CCSER1: variants seen among roughly 807,000 people sequenced by gnomAD.
CCSER1 encodes serine-rich coiled-coil domain-containing protein 1.
CCSER1 carries 41 observed loss-of-function variants against 82.0 expected under a neutral mutation model. The ratio of observed to expected loss-of-function variants is 0.50; its 90% confidence interval spans 0.39 to 0.65. The LOEUF (loss-of-function observed/expected upper bound fraction) is 0.65, where lower values mean the gene tolerates loss of function less well. Among genes scored for constraint, CCSER1 ranks in the 30% least tolerant of loss-of-function variants. The pLI is 0.00. For synonymous variants in CCSER1, 414 were observed against 383.9 expected (o/e 1.08, Z -0.92); for missense variants, 1,119 against 1,064.2 (o/e 1.05, Z -0.72).
chr4:90,129,617 A>G (rs1722467384), intron 1 of CCSER1, among the ~76,000 whole-genome samples: 1 of 152,246 alleles, frequency 6.6e-6, no homozygotes, highest in Non-Finnish European at 1.5e-5. Context: ...GAGAAAAAAG[A>G]GAAGTTGGTC....
At chr4:90,935,368 G>T (rs367943614) in intron 9 of CCSER1, among the ~76,000 whole-genome samples, 33 of 152,080 alleles carry the variant, frequency 2.2e-4, no homozygotes, top group Admixed American at 3.3e-4. Flanking sequence ...TGTCCTGTCT[G>T]CACGTACCGG....
chr4:91,006,189 T>C (rs530075339), intron 9 of CCSER1, among the ~76,000 whole-genome samples: 7 of 152,272 alleles, frequency 4.6e-5, no homozygotes, highest in African/African-American at 1.7e-4. Context: ...CCATTTTTTT[T>C]CACCAATGTT....
At chr4:90,522,750 A>G (rs1347513251) in intron 5 of CCSER1, among the ~76,000 whole-genome samples, 4 of 152,130 alleles carry the variant, frequency 2.6e-5, no homozygotes, top group African/African-American at 7.2e-5. Flanking sequence ...ACAGAACTTA[A>G]CAGGCATATT....
chr4:91,485,189 C>G (rs1198314218), intron 10 of CCSER1, among the ~76,000 whole-genome samples: 1 of 151,982 alleles, frequency 6.6e-6, no homozygotes, highest in Non-Finnish European at 1.5e-5. Flanking sequence ...ATGACAATAA[C>G]CCAGCACCAA....
intron 10 of CCSER1, among the ~76,000 whole-genome samples, chr4:91,232,028 C>CA (rs1484349253): frequency 2.0e-5 from 3 of 151,638 alleles, no homozygotes; most frequent in African/African-American, 7.3e-5. Flanking sequence ...AAACAAATGA[C>CA]AAAAATATGG....
In CCSER1 at chr4:90,701,662, G is replaced by A. The variant is rs931597732; in HGVS notation, c.1933-22252G>A. ...TGTTTATGTCCTCTTTTACTTCATT[G>A]AGAAGTGGTTTGTAGTTTTCCTTCA... On this transcript the variant is annotated intron_variant, in intron 6 of 10. Coordinates refer to ENST00000509176, the MANE Select transcript of CCSER1 (RefSeq NM_001145065.2). 2.0e-5 allele frequency among the ~76,000 whole-genome samples: 3 copies of A among 152,254 alleles called. No homozygotes were observed. In the South Asian group the frequency reaches 6.2e-4, roughly 32 times the overall value.
intron 10 of CCSER1, among the ~76,000 whole-genome samples, chr4:91,182,409 G>A (rs1039119979): frequency 2.0e-5 from 3 of 152,182 alleles, no homozygotes; most frequent in African/African-American, 2.4e-5. Flanking sequence ...GTGCTGTACA[G>A]CTGCTGATAA....
At chr4:90,749,666 C>G (rs998419541) in intron 7 of CCSER1, among the ~76,000 whole-genome samples, 3 of 151,994 alleles carry the variant, frequency 2.0e-5, no homozygotes, top group African/African-American at 7.2e-5. Flanking sequence ...CTTCCTACCC[C>G]ACATTTTGTT....
intron 10 of CCSER1, among the ~76,000 whole-genome samples, chr4:91,400,520 A>C (rs531356125): frequency 2.0e-5 from 3 of 149,094 alleles, no homozygotes; most frequent in African/African-American, 7.4e-5. Context: ...ATTATTGATC[A>C]TTTATTATCT....
intron 9 of CCSER1, among the ~76,000 whole-genome samples, chr4:90,969,068 A>G (rs1022969190): frequency 6.6e-6 from 1 of 151,906 alleles, no homozygotes; most frequent in African/African-American, 2.4e-5. Flanking sequence ...AGAAGAAAGC[A>G]TCTGTGAATG....
chr4:91,196,580 A>G (rs1735454550), intron 10 of CCSER1, among the ~76,000 whole-genome samples: 1 of 152,222 alleles, frequency 6.6e-6, no homozygotes, highest in Non-Finnish European at 1.5e-5. Context: ...TAATCCATGT[A>G]TTAGGCATTA....
At chr4:91,063,146 G>A (rs370812631) in intron 9 of CCSER1, among the ~76,000 whole-genome samples, 3 of 152,058 alleles carry the variant, frequency 2.0e-5, no homozygotes, top group Admixed American at 6.6e-5. Flanking sequence ...AACCAAAGAC[G>A]AGAAGAAGAA....
rs755793909 is a variant in CCSER1, at chr4:90,400,061, G to T, written c.1535G>T (p.Cys512Phe). Residue 512 changes from cysteine (C) to phenylalanine (F), a missense_variant, in exon 4 of 11, where the codon TGT (cysteine) becomes TTT (phenylalanine). Physicochemically the swap from Cys to Phe is radical, Grantham distance 205. Transcript: ENST00000509176. ...SLDVLNNLGS[C>F]ELDEDDLMLD... is the part of the protein sequence containing the mutation. ...GATGTTTTGAATAATTTGGGATCTTGTGAACTGGATGAAGATGATCTAATG... is the reference window on the plus strand; with the variant it reads ...GATGTTTTGAATAATTTGGGATCTTTTGAACTGGATGAAGATGATCTAATG... 2.5e-6 allele frequency: 4 copies of T among 1,606,396 alleles called. No individual in the cohort carries two copies. Among genetic ancestry groups the T allele is most frequent in the African/African-American group, 2.7e-5 (2 of 74,786 alleles).
intron 9 of CCSER1, among the ~76,000 whole-genome samples, chr4:90,959,374 T>C (rs1370810015): frequency 6.6e-6 from 1 of 152,192 alleles, no homozygotes; most frequent in Non-Finnish European, 1.5e-5. Context: ...TGGTCAGATG[T>C]TGGAATCCAT....
At chr4:91,219,308 C>CTTTTTT (rs59884169) in intron 10 of CCSER1, among the ~76,000 whole-genome samples, 4 of 99,900 alleles carry the variant, frequency 4.0e-5, no homozygotes, top group Non-Finnish European at 5.7e-5. Context: ...TACAGTTTGG[C>CTTTTTT]TTTTTTTTTT....
chr4:91,258,445 C>G (rs963386567), intron 10 of CCSER1, among the ~76,000 whole-genome samples: 1 of 152,008 alleles, frequency 6.6e-6, no homozygotes, highest in African/African-American at 2.4e-5. Flanking sequence ...TAAGCAAACT[C>G]TTTTCTGCTT....
intron 10 of CCSER1, among the ~76,000 whole-genome samples, chr4:91,539,096 G>T (rs1761454865): frequency 6.6e-6 from 1 of 151,892 alleles, no homozygotes; most frequent in South Asian, 2.1e-4. Flanking sequence ...TCATCCAATT[G>T]TTTTAGTTAA....
At chr4:91,153,519 G>A (rs936490550) in intron 10 of CCSER1, among the ~76,000 whole-genome samples, 1 of 151,926 alleles carries the variant, frequency 6.6e-6, no homozygotes, top group Non-Finnish European at 1.5e-5. Context: ...CTCTCAACTT[G>A]TCAAAGTCAT....
At chr4:90,982,651 A>C (rs1736224068) in intron 9 of CCSER1, among the ~76,000 whole-genome samples, 1 of 151,802 alleles carries the variant, frequency 6.6e-6, no homozygotes, top group Non-Finnish European at 1.5e-5. Context: ...AATTCCTGCA[A>C]AATGTCATAA....
Sources: allele counts gnomAD v4.1 joint callset (sites outside exome capture counted in the v4.1 genomes callset), GRCh38; gene constraint gnomAD v4.1.1; transcripts MANE v1.5; gene names NCBI Gene and HGNC (gene_info 2026-07-23, HGNC 2026-07-21).